The following BNIP3L variants were observed in gnomAD, a reference collection of about 807,000 sequenced individuals.
BNIP3L encodes the protein BCL2/adenovirus E1B 19 kDa protein-interacting protein 3-like.
A neutral mutation model predicts 25.5 loss-of-function variants in BNIP3L; 10 were observed. The observed-to-expected ratio is 0.39, with a 90% CI of 0.24 to 0.67. The LOEUF (loss-of-function observed/expected upper bound fraction) is 0.67, where lower values mean the gene tolerates loss of function less well. Ranked by LOEUF, BNIP3L falls within the 30% of genes least tolerant of loss-of-function variation. The pLI, the probability that BNIP3L is intolerant of heterozygous loss-of-function variation, is 0.45. For synonymous variants in BNIP3L, 113 were observed against 101.2 expected (o/e 1.12, Z -0.70); for missense variants, 215 against 270.9 (o/e 0.79, Z 1.45).
intron 3 of BNIP3L, among the ~76,000 whole-genome samples, chr8:26,400,259 C>T (rs1393147966): frequency 5.5e-4 from 83 of 151,370 alleles, no homozygotes; most frequent in Non-Finnish European, 8.0e-4. Context: ...GAAATAACGC[C>T]GCTTACCTAC....
chr8:26,388,397 C>T (rs1806035292), intron 1 of BNIP3L, among the ~76,000 whole-genome samples: 1 of 152,150 alleles, frequency 6.6e-6, no homozygotes, highest in Admixed American at 6.6e-5. Context: ...GTTAAGTACC[C>T]TGTGCGAGGG....
chr8:26,409,993 A>G (rs1418750518), intron 5 of BNIP3L, among the ~76,000 whole-genome samples: 5 of 151,954 alleles, frequency 3.3e-5, no homozygotes, highest in Admixed American at 6.6e-5. Flanking sequence ...ACATATTACT[A>G]TATTTTTGTG....
In BNIP3L at chr8:26,389,595, TGGAAA is replaced by T. The variant is rs1324939102; in HGVS notation, c.101-1640_101-1636del. Among the ~76,000 whole-genome samples, 15 of 152,270 alleles carry T rather than the reference TGGAAA, an allele frequency of 9.9e-5. No individual in the cohort carries two copies. In the South Asian group the frequency reaches 1.2e-3, roughly 13 times the overall value. On this transcript the variant is annotated intron_variant, in intron 1 of 5. Transcript: ENST00000380629. ...TGGTAGCCACTGGGGCTGCCTCAAA[TGGAAA>T]GGAAAGGGTTCTAAGTATTTATAAA... is the stretch of plus-strand genomic sequence containing the variant.
At chr8:26,396,806 C>T (rs1415889592) in intron 3 of BNIP3L, among the ~76,000 whole-genome samples, 3 of 133,802 alleles carry the variant, frequency 2.2e-5, no homozygotes, top group African/African-American at 8.5e-5. Context: ...AACCAAGGCT[C>T]GAGAACTACG....
intron 3 of BNIP3L, among the ~76,000 whole-genome samples, chr8:26,398,131 C>T (rs1313505057): frequency 2.2e-5 from 2 of 92,496 alleles, no homozygotes; most frequent in South Asian, 4.2e-4. Flanking sequence ...ACCTAATAGA[C>T]GTCTACAGAA....
At position 26,395,276 on chromosome 8, in the gene BNIP3L, C is replaced by T. The variant is rs1806208186; in HGVS notation, c.331C>T (p.His111Tyr). The change falls in exon 3 of 6, where the codon CAC becomes TAC. Residue 111 changes from histidine to tyrosine, a missense_variant. By Grantham distance (83) the His-to-Tyr change is moderately conservative (BLOSUM62 2). Transcript: ENST00000380629. The part of the protein sequence containing the change: ...DGQIMFDVEM[H>Y]TSRDHSSQSE... ...GCAGATCATGTTTGATGTGGAAATG[C>T]ACACCAGCAGGGACCATAGCTCTCA... 6 of 1,614,050 alleles carry T rather than the reference C, an allele frequency of 3.7e-6. No individual in the cohort carries two copies. The highest frequency in any genetic ancestry group is 2.2e-5 in the East Asian group (1 of 44,880).
rs1346720840 is a variant in BNIP3L at position 26,389,957 on chromosome 8, TCTG to T, written c.101-1282_101-1280del. On this transcript the variant is annotated intron_variant, in intron 1 of 5. Coordinates refer to ENST00000380629, the MANE Select transcript of BNIP3L (RefSeq NM_004331.3). The stretch of plus-strand genomic sequence containing the variant: ...TTCATCCCTGGAACTCTCTAACACT[TCTG>T]CTGGGAGTTTAGAGGGATGGCCACA... Among the ~76,000 whole-genome samples the T allele has an allele frequency of 2.0e-5, 3 of 152,216 alleles. No homozygotes were observed. The East Asian group carries it at 5.8e-4, about 29-fold the overall frequency.
rs376715919 is a variant in BNIP3L, at chr8:26,408,241, G to A, written c.476G>A (p.Arg159Lys). ...TTCTTTCTCAGGGAGTTCCACTTCAGACACCCTAAACGTTCTGTGTCTTTA... is the reference window on the plus strand; with the variant it reads ...TTCTTTCTCAGGGAGTTCCACTTCAAACACCCTAAACGTTCTGTGTCTTTA... Reference protein sequence around the residue: ...ENIPPKEFHFRHPKRSVSLSM... With the variant: ...ENIPPKEFHFKHPKRSVSLSM... The change falls in exon 5 of 6, where the codon AGA (arginine) becomes AAA (lysine). Residue 159 changes from arginine to lysine, a missense_variant. Arg to Lys is a conservative substitution (Grantham distance 26). Around this residue, in one of 4 missense-constraint regions of BNIP3L, gnomAD observed 63 missense variants for 98.8 expected, o/e 0.64. Transcript: ENST00000380629. 63 of 1,613,638 alleles carry A rather than the reference G, an allele frequency of 3.9e-5. No homozygotes were observed. Among genetic ancestry groups the A allele is most frequent in the Non-Finnish European group, 5.3e-5 (62 of 1,179,800 alleles).
chr8:26,408,312 G>A lies in BNIP3L; in HGVS notation c.547G>A (p.Ala183Thr), dbSNP rs373938692. 3.4e-5 allele frequency: 55 copies of A among 1,614,104 alleles called. 1 individual carries two copies. The highest frequency in any genetic ancestry group is 8.8e-5 in the South Asian group (8 of 91,088). The change falls in exon 5 of 6, where the codon GCA becomes ACA. Residue 183 changes from alanine (A) to threonine (T), a missense_variant. Transcript: ENST00000380629. Reference sequence around the variant, plus strand: ...CATGAAGAAAGGGGGTATTTTCTCCGCAGAATTTCTGAAGGTGTTCATTCC... The same window carrying A: ...CATGAAGAAAGGGGGTATTTTCTCCACAGAATTTCTGAAGGTGTTCATTCC... Reference protein sequence around the residue: ...GAMKKGGIFSAEFLKVFIPSL... With the variant: ...GAMKKGGIFSTEFLKVFIPSL...
intron 1 of BNIP3L, among the ~76,000 whole-genome samples, chr8:26,384,371 T>A (rs1032067836): frequency 6.6e-6 from 1 of 152,198 alleles, no homozygotes; most frequent in African/African-American, 2.4e-5. Context: ...TTGGAGATTT[T>A]AAGATGGATG....
intron 1 of BNIP3L, chr8:26,390,588 A>G: frequency 1.0e-6 from 1 of 964,182 alleles, no homozygotes; most frequent in Non-Finnish European, 1.2e-6. Flanking sequence ...GAAACTAATC[A>G]GTGAGATAGA....
chr8:26,405,371 A>T (rs1657481076), intron 3 of BNIP3L, among the ~76,000 whole-genome samples: 1 of 152,226 alleles, frequency 6.6e-6, no homozygotes, highest in African/African-American at 2.4e-5. Context: ...GTGTTACTCC[A>T]AAGAGCCAAC....
chr8:26,403,466 A>G (rs1265654107), intron 3 of BNIP3L, among the ~76,000 whole-genome samples: 1 of 152,104 alleles, frequency 6.6e-6, no homozygotes, highest in South Asian at 2.1e-4. Context: ...ATAATTTTCA[A>G]GCTTTTCTAA....
At chr8:26,402,787 G>A (rs1176161790) in intron 3 of BNIP3L, among the ~76,000 whole-genome samples, 1 of 152,002 alleles carries the variant, frequency 6.6e-6, no homozygotes, top group African/African-American at 2.4e-5. Flanking sequence ...AAAAGAAATG[G>A]GTTTAATTAA....
intron 3 of BNIP3L, chr8:26,395,538 G>A (rs990045539): frequency 4.1e-6 from 2 of 488,430 alleles, no homozygotes; most frequent in African/African-American, 3.9e-5. Context: ...AATAAATCAT[G>A]CCAATACTCC....
intron 3 of BNIP3L, among the ~76,000 whole-genome samples, chr8:26,405,849 C>A (rs1262310323): frequency 6.6e-6 from 1 of 151,962 alleles, no homozygotes; most frequent in African/African-American, 2.4e-5. Flanking sequence ...TCGAGACCAG[C>A]CTGGCCAACA....
intron 3 of BNIP3L, among the ~76,000 whole-genome samples, chr8:26,401,756 A>T (rs1585437742): frequency 6.6e-6 from 1 of 152,154 alleles, no homozygotes; most frequent in Non-Finnish European, 1.5e-5. Flanking sequence ...CCTTCAAGAT[A>T]AATATTGTTT....
chr8:26,385,744 A>G (rs1265550710), intron 1 of BNIP3L, among the ~76,000 whole-genome samples: 8 of 152,138 alleles, frequency 5.3e-5, no homozygotes, highest in Non-Finnish European at 7.4e-5. Context: ...GTGGAAGTAC[A>G]CTCAGCCTGC....
At chr8:26,403,737 G>A (rs1339183254) in intron 3 of BNIP3L, among the ~76,000 whole-genome samples, 4 of 151,558 alleles carry the variant, frequency 2.6e-5, no homozygotes, top group Non-Finnish European at 5.9e-5. Context: ...ACAGAGTCTC[G>A]CTATATTGCC....
Sources: gnomAD v4.1 joint callset for allele counts (sites outside exome capture counted in the v4.1 genomes callset) on GRCh38, gnomAD v4.1.1 for gene constraint, gnomAD v4.1.1 regional missense constraint, MANE v1.5 for transcripts, NCBI Gene and HGNC (gene_info 2026-07-23, HGNC 2026-07-21) for gene names.